Variants in SORCS1 observed in about 807,000 individuals in gnomAD.
SORCS1 encodes the protein VPS10 domain-containing receptor SorCS1.
Under a neutral mutation model 146.1 loss-of-function variants are expected in SORCS1, and 60 were observed. That is an observed-to-expected ratio of 0.41 (90% CI 0.33 to 0.51). The LOEUF (loss-of-function observed/expected upper bound fraction) is 0.51. Among genes scored for constraint, SORCS1 ranks in the 20% least tolerant of loss-of-function variants. SORCS1 has a pLI of 0.21. For synonymous variants in SORCS1, 637 were observed against 584.0 expected (o/e 1.09, Z -1.31); for missense variants, 1,352 against 1,487.6 (o/e 0.91, Z 1.50).
At chr10:106,951,904 A>C (rs1954705513) in intron 2 of SORCS1, among the ~76,000 whole-genome samples, 1 of 152,280 alleles carries the variant, frequency 6.6e-6, no homozygotes, top group East Asian at 1.9e-4. Flanking sequence ...TCTTTTGGAT[A>C]AAAATAGGAA....
At chr10:106,825,716 G>A (rs957268423) in intron 3 of SORCS1, among the ~76,000 whole-genome samples, 1 of 151,942 alleles carries the variant, frequency 6.6e-6, no homozygotes, top group Non-Finnish European at 1.5e-5. Context: ...ACACAAACAA[G>A]CCTTGGGATT....
chr10:106,736,876 TAAAC>T (rs1019187031), intron 5 of SORCS1, among the ~76,000 whole-genome samples: 13 of 152,252 alleles, frequency 8.5e-5, no homozygotes, highest in African/African-American at 2.6e-4. Flanking sequence ...GATCAATAGA[TAAAC>T]AGACAGATAA....
intron 6 of SORCS1, among the ~76,000 whole-genome samples, chr10:106,728,098 C>A (rs1325915453): frequency 6.6e-6 from 1 of 151,678 alleles, no homozygotes; most frequent in Non-Finnish European, 1.5e-5. Flanking sequence ...GTGGTGCGAT[C>A]TCAGCTCACT....
In SORCS1 at chr10:107,164,564, A is replaced by G. The variant is rs1416286980; in HGVS notation, c.-38T>C. On this transcript the variant is annotated 5_prime_UTR_variant, in exon 1 of 26. Coordinates refer to ENST00000263054, the MANE Select transcript of SORCS1 (RefSeq NM_052918.5). The surrounding 1 kb of genome is among the most constrained non-coding windows in gnomAD (Gnocchi z 6.8). ...GAGCAGCGGAGAGAGGGGTCCCAGA[A>G]CGAAGGTGGCGGCACGAGCTCTGCG... The G allele has an allele frequency of 5.3e-6, 7 of 1,317,332 alleles. No homozygotes were observed. Among genetic ancestry groups the G allele is most frequent in the African/African-American group, 1.6e-5 (1 of 64,358 alleles). 81.6% of individuals were successfully genotyped at this position (1,317,332 alleles called of 1,614,324 possible). A position where few individuals can be genotyped will look rare whatever the true frequency, so the allele number is the denominator to read the frequency against.
intron 17 of SORCS1, among the ~76,000 whole-genome samples, chr10:106,657,370 C>T (rs1193952023): frequency 6.6e-6 from 1 of 152,074 alleles, no homozygotes; most frequent in East Asian, 1.9e-4. Flanking sequence ...AAATCAAATA[C>T]CACATGTTGT....
At chr10:106,756,620 T>C (rs1430932389) in intron 5 of SORCS1, among the ~76,000 whole-genome samples, 1 of 152,214 alleles carries the variant, frequency 6.6e-6, no homozygotes, top group Non-Finnish European at 1.5e-5. Flanking sequence ...ATGTCCTATA[T>C]ATGTAAGTCA....
intron 2 of SORCS1, among the ~76,000 whole-genome samples, chr10:106,884,160 G>T (rs1950910781): frequency 2.6e-5 from 4 of 151,852 alleles, no homozygotes; most frequent in Non-Finnish European, 5.9e-5. Context: ...CTATATTCAT[G>T]GCACTCCCGC....
At chr10:107,173,815 T>C in the SORCS1 span, among the ~76,000 whole-genome samples, 4 of 152,244 alleles carry the variant, frequency 2.6e-5, no homozygotes, top group Admixed American at 2.0e-4. Flanking sequence ...TTTCCTATCA[T>C]ATTGCCATGG....
intron 6 of SORCS1, among the ~76,000 whole-genome samples, chr10:106,721,074 T>C (rs1372777200): frequency 1.3e-5 from 2 of 149,896 alleles, no homozygotes; most frequent in African/African-American, 2.5e-5. Flanking sequence ...ATAACACTGC[T>C]AGAAAAAAAA....
At chr10:106,671,752 G>A (rs1357300625) in intron 15 of SORCS1, among the ~76,000 whole-genome samples, 1 of 152,154 alleles carries the variant, frequency 6.6e-6, no homozygotes, top group Non-Finnish European at 1.5e-5. Flanking sequence ...GGTCATTTAT[G>A]AGGGCATGAA....
intron 1 of SORCS1, among the ~76,000 whole-genome samples, chr10:107,059,137 T>C (rs1209913083): frequency 2.0e-5 from 3 of 152,204 alleles, no homozygotes; most frequent in African/African-American, 7.2e-5. Context: ...AAATCATCTC[T>C]AACACAAGAC....
intron 2 of SORCS1, among the ~76,000 whole-genome samples, chr10:106,883,029 T>A (rs1950863640): frequency 6.6e-6 from 1 of 152,222 alleles, no homozygotes; most frequent in African/African-American, 2.4e-5. Flanking sequence ...GCAGAAATGA[T>A]TGTTGAAAGA....
At chr10:106,739,907 C>T (rs539927134) in intron 5 of SORCS1, among the ~76,000 whole-genome samples, 123 of 149,736 alleles carry the variant, frequency 8.2e-4, no homozygotes, top group African/African-American at 2.8e-3. Context: ...GCTGAGATCA[C>T]GCCATTGAGC....
chr10:107,176,206 A>ATCCT, the SORCS1 span, among the ~76,000 whole-genome samples: 31 of 151,000 alleles, frequency 2.1e-4, no homozygotes, highest in African/African-American at 6.3e-4. Flanking sequence ...ATTATATGTA[A>ATCCT]TCCTTCCTTC....
chr10:107,142,417 G>T (rs933025579), intron 1 of SORCS1, among the ~76,000 whole-genome samples: 25 of 152,136 alleles, frequency 1.6e-4, no homozygotes, highest in African/African-American at 5.6e-4. Flanking sequence ...AATCCTCTTC[G>T]TTAAATGACA....
At chr10:106,881,417 C>T (rs746598139) in intron 2 of SORCS1, among the ~76,000 whole-genome samples, 11 of 152,300 alleles carry the variant, frequency 7.2e-5, no homozygotes, top group African/African-American at 1.2e-4. Context: ...GAAACAAAAG[C>T]TCCAAAGGTG....
intron 2 of SORCS1, among the ~76,000 whole-genome samples, chr10:106,911,299 AG>A (rs1014305042): frequency 1.3e-5 from 2 of 152,234 alleles, no homozygotes; most frequent in African/African-American, 4.8e-5. Context: ...TGTCTCACTC[AG>A]GATTTACAGC....
At chr10:106,826,567 T>C (rs1325824310) in intron 3 of SORCS1, among the ~76,000 whole-genome samples, 1 of 152,252 alleles carries the variant, frequency 6.6e-6, no homozygotes, top group Non-Finnish European at 1.5e-5. Flanking sequence ...GATTCAAATA[T>C]GTCCTTTGGG....
intron 1 of SORCS1, among the ~76,000 whole-genome samples, chr10:107,102,485 T>G (rs1243868906): frequency 6.6e-6 from 1 of 152,234 alleles, no homozygotes; most frequent in South Asian, 2.1e-4. Context: ...GGATTGTCAG[T>G]GGCTGGCATT....
Sources: gnomAD v4.1 joint callset for allele counts (sites outside exome capture counted in the v4.1 genomes callset) on GRCh38, gnomAD v4.1.1 for gene constraint, Gnocchi (gnomAD v3.1) non-coding constraint, MANE v1.5 for transcripts, NCBI Gene and HGNC (gene_info 2026-07-23, HGNC 2026-07-21) for gene names.